The following HIPK2 variants were observed in gnomAD, a reference collection of about 807,000 sequenced individuals.
HIPK2 encodes the protein homeodomain interacting protein kinase 2.
HIPK2 carries 27 observed loss-of-function variants against 113.7 expected under a neutral mutation model. The observed-to-expected ratio is 0.24, with a 90% CI of 0.17 to 0.33. HIPK2 has a LOEUF of 0.33. Among genes scored for constraint, HIPK2 ranks in the 10% least tolerant of loss-of-function variants. HIPK2 has a pLI of 1.00. For missense variants in HIPK2, 1,257 were observed against 1,588.0 expected, an observed-to-expected ratio of 0.79 and a Z score of 3.54; for synonymous variants, 631 against 642.2, an observed-to-expected ratio of 0.98 and a Z score of 0.26.
chr7:139,775,723 A>G (rs892763450), intron 1 of HIPK2, among the ~76,000 whole-genome samples: 61 of 152,212 alleles, frequency 4.0e-4, no homozygotes, highest in Non-Finnish European at 7.6e-4. Flanking sequence ...TATCTGGCGT[A>G]AGGAACTGGA....
At chr7:139,776,949 C>A (rs959577592) in intron 1 of HIPK2, 3 of 152,218 alleles carry the variant, frequency 2.0e-5, no homozygotes, top group Admixed American at 1.3e-4. Flanking sequence ...ACAGATCGAC[C>A]CAGACCGAGC....
intron 1 of HIPK2, among the ~76,000 whole-genome samples, chr7:139,719,889 C>T (rs1472706781): frequency 6.6e-6 from 1 of 152,208 alleles, no homozygotes; most frequent in Non-Finnish European, 1.5e-5. Flanking sequence ...CACTCTGTCT[C>T]CCTTTAATTT....
chr7:139,572,808 G>T lies in HIPK2; in HGVS notation c.*119C>A. On this transcript the variant is annotated 3_prime_UTR_variant, in exon 15 of 15. Coordinates refer to ENST00000406875, the MANE Select transcript of HIPK2 (RefSeq NM_022740.5). ...CCCCTGCCCCGTTTGCATTGTTTGT[G>T]TGCGGCATCTTCAGTATAAAAGGCC... 2.6e-6 allele frequency: 1 copy of T among 380,462 alleles called. No individual in the cohort carries two copies. The highest frequency in any genetic ancestry group is 4.3e-6 in the Non-Finnish European group (1 of 235,016). 23.6% of individuals were successfully genotyped at this position (380,462 alleles called of 1,614,324 possible).
At chr7:139,692,711 A>T in intron 2 of HIPK2, among the ~76,000 whole-genome samples, 1 of 152,252 alleles carries the variant, frequency 6.6e-6, no homozygotes, top group East Asian at 1.9e-4. Context: ...ATCTATATGC[A>T]TCAGAAAAAA....
At chr7:139,574,618 C>T (rs1798426900) in intron 14 of HIPK2, among the ~76,000 whole-genome samples, 1 of 152,228 alleles carries the variant, frequency 6.6e-6, no homozygotes, top group Admixed American at 6.5e-5. Flanking sequence ...GAGCCCTTGA[C>T]ACAGACAGCC....
rs1797970372 is a variant in HIPK2 at position 139,562,293 on chromosome 7, G to C, written c.*10634C>G. ...GGGCTTTCATAGGGTTATTGAGATT[G>C]AGCTGAGATGACCTGGGAGAGAAAG... On this transcript the variant is annotated 3_prime_UTR_variant, in exon 15 of 15. Coordinates refer to ENST00000406875, the MANE Select transcript of HIPK2 (RefSeq NM_022740.5). 6.6e-6 allele frequency: 1 copy of C among 152,186 alleles called. No individual in the cohort carries two copies. The highest frequency in any genetic ancestry group is 2.4e-5 in the African/African-American group (1 of 41,424). 9.4% of individuals were successfully genotyped at this position (152,186 alleles called of 1,614,324 possible). A position where few individuals can be genotyped will look rare whatever the true frequency, so the allele number is the denominator to read the frequency against.
rs1053775640 is a variant in HIPK2, at chr7:139,572,706, G to A, written c.*221C>T. ...AAAAATGTTCTCTTCTCTGCTCTAC[G>A]TCCTCCCACTTCCCGGTTCAAGTTT... On this transcript the variant is annotated 3_prime_UTR_variant, in exon 15 of 15. Transcript: ENST00000406875. 7 of 457,422 alleles carry A rather than the reference G, an allele frequency of 1.5e-5. No individual in the cohort carries two copies. The highest frequency in any genetic ancestry group is 4.5e-5 in the South Asian group (1 of 22,000). 28.3% of individuals were successfully genotyped at this position (457,422 alleles called of 1,614,324 possible).
rs78329672 is a variant in HIPK2 at position 139,660,498 on chromosome 7, G to A, written c.1104-28773C>T. Among the ~76,000 whole-genome samples, 550 of 152,320 alleles carry A rather than the reference G, an allele frequency of 3.6e-3. 6 individuals are homozygous for A. Among genetic ancestry groups the A allele is most frequent in the African/African-American group, 0.013 (526 of 41,566 alleles). ...GAAATAAAGTCATTGTTTGCTCTCT[G>A]CCCAGGCAGCATGGGGACAGAGGCT... On this transcript the variant is annotated intron_variant, in intron 2 of 14. Coordinates refer to ENST00000406875, the MANE Select transcript of HIPK2 (RefSeq NM_022740.5).
At chr7:139,751,273 T>C (rs1212509437) in intron 1 of HIPK2, among the ~76,000 whole-genome samples, 1 of 152,180 alleles carries the variant, frequency 6.6e-6, no homozygotes, top group African/African-American at 2.4e-5. Context: ...GTAAGTTGCC[T>C]TCCTAATAGC....
intron 1 of HIPK2, among the ~76,000 whole-genome samples, chr7:139,762,857 A>G (rs941418664): frequency 6.6e-6 from 1 of 152,218 alleles, no homozygotes; most frequent in African/African-American, 2.4e-5. Context: ...TGGAAAACAA[A>G]TATGCCCAAA....
chr7:139,677,930 T>C (rs1197500830), intron 2 of HIPK2, among the ~76,000 whole-genome samples: 1 of 152,266 alleles, frequency 6.6e-6, no homozygotes, highest in Admixed American at 6.5e-5. Context: ...TGTGAGATGG[T>C]ATCTCATTGT....
chr7:139,742,597 T>C (rs1796121822), intron 1 of HIPK2, among the ~76,000 whole-genome samples: 2 of 152,260 alleles, frequency 1.3e-5, no homozygotes, highest in South Asian at 2.1e-4. Context: ...AGGAATCTTT[T>C]AGCTCTAACA....
chr7:139,777,614 C>CG lies in HIPK2; in HGVS notation c.9dup (p.Val4ArgfsTer24). 1 of 1,069,896 alleles carries CG rather than the reference C, an allele frequency of 9.3e-7. No homozygotes were observed. Among genetic ancestry groups the CG allele is most frequent in the Non-Finnish European group, 1.1e-6 (1 of 882,788 alleles). The allele number at this position is 1,069,896 out of a possible 1,614,324, so 66.3% of individuals were successfully genotyped here. The stretch of plus-strand genomic sequence containing the variant: ...GCCGGGCGCCCCTTACCTTCGTACA[C>CG]GGGGGCCATCGGGGCCGGGGTGTCC... On this transcript the variant is annotated frameshift_variant, in exon 1 of 15. Coordinates refer to ENST00000406875, the MANE Select transcript of HIPK2 (RefSeq NM_022740.5). LOFTEE classifies it high-confidence loss of function.
chr7:139,583,749 T>TA, intron 13 of HIPK2, 68 bp downstream of exon 13: 1 of 1,561,738 alleles, frequency 6.4e-7, no homozygotes, highest in Non-Finnish European at 8.7e-7. Context: ...GCAACATTTC[T>TA]AGCAGCAGAA....
At chr7:139,615,984 T>C (rs1438239270) in intron 7 of HIPK2, among the ~76,000 whole-genome samples, 1 of 152,212 alleles carries the variant, frequency 6.6e-6, no homozygotes, top group African/African-American at 2.4e-5. Context: ...TTGTATTTCC[T>C]GTTTTCTCCA....
intron 2 of HIPK2, among the ~76,000 whole-genome samples, chr7:139,690,660 T>C (rs1395766046): frequency 1.3e-5 from 2 of 151,914 alleles, no homozygotes; most frequent in African/African-American, 2.4e-5. Flanking sequence ...AAAATAGAAA[T>C]AAATTTTAAA....
rs58520911 is a variant in HIPK2, at chr7:139,652,902, G to A, written c.1104-21177C>T. Among the ~76,000 whole-genome samples, 707 of 152,202 alleles carry A rather than the reference G, an allele frequency of 4.6e-3. 6 individuals carry two copies. The highest frequency in any genetic ancestry group is 0.017 in the African/African-American group (685 of 41,500). Reference sequence around the variant, plus strand: ...TCACGCCTGTAATCCCAGCACTTTGGGAGGCCGGGGTGGGTGGATCATTTG... The same window carrying A: ...TCACGCCTGTAATCCCAGCACTTTGAGAGGCCGGGGTGGGTGGATCATTTG... On this transcript the variant is annotated intron_variant, in intron 2 of 14. Transcript: ENST00000406875.
At chr7:139,666,152 G>A (rs1802042826) in intron 2 of HIPK2, among the ~76,000 whole-genome samples, 1 of 152,128 alleles carries the variant, frequency 6.6e-6, no homozygotes, top group African/African-American at 2.4e-5. Context: ...GACTGCCATT[G>A]TCAAAATAAT....
chr7:139,619,834 C>G (rs1245197778), intron 7 of HIPK2, among the ~76,000 whole-genome samples: 1 of 152,150 alleles, frequency 6.6e-6, no homozygotes, highest in African/African-American at 2.4e-5. Flanking sequence ...AATCATAGTT[C>G]ACTGTAGCCC....
Sources: gnomAD v4.1 joint callset for allele counts (sites outside exome capture counted in the v4.1 genomes callset) on GRCh38, gnomAD v4.1.1 for gene constraint, MANE v1.5 for transcripts, NCBI Gene and HGNC (gene_info 2026-07-23, HGNC 2026-07-21) for gene names.